PSMB1: variants seen among roughly 807,000 people sequenced by gnomAD.
PSMB1 encodes the protein proteasome 20S subunit beta 1, also known as proteasome subunit beta type-1.
A neutral mutation model predicts 25.4 loss-of-function variants in PSMB1; 7 were observed. The observed-to-expected ratio is 0.28, with a 90% confidence interval of 0.16 to 0.52. PSMB1 has a LOEUF of 0.52. PSMB1 is among the 20% of genes least tolerant of loss of function. The pLI is 0.97. For synonymous variants in PSMB1, 119 were observed against 115.0 expected, an observed-to-expected ratio of 1.03 and a Z score of -0.22; for missense variants, 284 against 302.2, an observed-to-expected ratio of 0.94 and a Z score of 0.45.
At position 170,543,620 on chromosome 6, in the gene PSMB1, G is replaced by A. The variant is rs202191704; in HGVS notation, c.414C>T (p.Ile138=). The change falls in exon 4 of 6, where the codon ATC becomes ATT. Residue 138 remains isoleucine (I), a synonymous_variant. Transcript: ENST00000262193. ...RFFPYYVYNI[I]GGLDEEGKGA... The stretch of plus-strand genomic sequence containing the variant: ...TTCTACCTTCTTCATCAAGTCCACC[G>A]ATGATGTTGTAAACATAGTATGGAA... 7.9e-5 allele frequency: 127 copies of A among 1,608,930 alleles called. No homozygotes were observed. Among genetic ancestry groups the A allele is most frequent in the Middle Eastern group, 3.3e-4 (2 of 6,036 alleles).
At chr6:170,541,670 A>T (rs1179924852) in intron 4 of PSMB1, among the ~76,000 whole-genome samples, 1 of 152,200 alleles carries the variant, frequency 6.6e-6, no homozygotes, top group Non-Finnish European at 1.5e-5. Context: ...ATAAAATAAA[A>T]ATTAGTTTAA....
chr6:170,551,726 T>C (rs918600282), intron 1 of PSMB1, among the ~76,000 whole-genome samples: 2 of 152,146 alleles, frequency 1.3e-5, no homozygotes, highest in African/African-American at 2.4e-5. Flanking sequence ...AGTGGTGAAA[T>C]AGCTATGAAT....
intron 4 of PSMB1, among the ~76,000 whole-genome samples, chr6:170,540,562 C>G (rs969632187): frequency 1.1e-5 from 1 of 93,944 alleles, no homozygotes; most frequent in African/African-American, 4.3e-5. Flanking sequence ...AATTTTGGTA[C>G]AAGACTCTTC....
chr6:170,549,195 G>A (rs960255884), intron 1 of PSMB1, 82 bp from the exon 2 acceptor site: 12 of 716,864 alleles, frequency 1.7e-5, no homozygotes, highest in Admixed American at 5.1e-5. Flanking sequence ...AGTACATAAT[G>A]GGATAAAATA....
At chr6:170,548,886 T>G in intron 2 of PSMB1, 120 bp downstream of exon 2, 1 of 711,974 alleles carries the variant, frequency 1.4e-6, no homozygotes, top group Non-Finnish European at 2.4e-6. Flanking sequence ...GGTTTTCTAA[T>G]AAAAATGCTC....
At chr6:170,535,993 T>C (rs571353223) in intron 5 of PSMB1, among the ~76,000 whole-genome samples, 241 of 152,308 alleles carry the variant, frequency 1.6e-3, no homozygotes, top group Non-Finnish European at 2.4e-3. Context: ...AGTAAACTTG[T>C]AGGCAGAAAG....
Position 170,535,418 on chromosome 6 carries a change from G to A in PSMB1, c.541-13C>T, listed in dbSNP as rs369257781. The A allele has an allele frequency of 2.2e-5, 36 of 1,605,850 alleles. No individual in the cohort carries two copies. In the African/African-American group the frequency reaches 3.7e-4, roughly 17 times the overall value. On this transcript the variant is annotated splice_polypyrimidine_tract_variant and intron_variant, in intron 5 of 5. Transcript: ENST00000262193. ...TCTTAAAACCAACCTGGTGGGACAT[G>A]AAACTTGGGTGAGATGTCATGTGAC...
intron 5 of PSMB1, among the ~76,000 whole-genome samples, chr6:170,535,645 G>A (rs927201636): frequency 2.0e-5 from 3 of 152,224 alleles, no homozygotes; most frequent in African/African-American, 7.2e-5. Context: ...ACCCGGAGAG[G>A]TGGACGTATG....
At chr6:170,538,199 C>T (rs1337356326) in intron 4 of PSMB1, among the ~76,000 whole-genome samples, 5 of 152,126 alleles carry the variant, frequency 3.3e-5, no homozygotes, top group Non-Finnish European at 7.4e-5. Flanking sequence ...ATTCTACAAT[C>T]GTTAAAAAGG....
At chr6:170,536,575 G>A (rs1329427885) in intron 5 of PSMB1, 2 of 440,032 alleles carry the variant, frequency 4.5e-6, no homozygotes, top group African/African-American at 4.1e-5. Flanking sequence ...AACAGATGAT[G>A]TAAACTTACA....
chr6:170,545,924 T>C (rs1161978338), intron 3 of PSMB1, among the ~76,000 whole-genome samples, 179 bp downstream of exon 3: 1 of 152,248 alleles, frequency 6.6e-6, no homozygotes, highest in East Asian at 1.9e-4. Flanking sequence ...TGTTTCACAT[T>C]ATGCTACTTT....
intron 1 of PSMB1, among the ~76,000 whole-genome samples, chr6:170,551,551 G>A (rs995427778): frequency 2.0e-5 from 3 of 152,176 alleles, no homozygotes; most frequent in African/African-American, 7.2e-5. Context: ...TGGATTACAA[G>A]GGATTAAAAA....
intron 4 of PSMB1, among the ~76,000 whole-genome samples, chr6:170,540,041 T>C (rs1224193747): frequency 1.3e-5 from 2 of 152,142 alleles, no homozygotes; most frequent in East Asian, 1.9e-4. Context: ...CATGTACTGA[T>C]TGTTTTCACT....
At chr6:170,546,406 T>C (rs1482809053) in intron 2 of PSMB1, among the ~76,000 whole-genome samples, 5 of 152,192 alleles carry the variant, frequency 3.3e-5, no homozygotes, top group Non-Finnish European at 1.5e-5. Context: ...ATGAATGGAC[T>C]AAATAAATCA....
intron 1 of PSMB1, among the ~76,000 whole-genome samples, chr6:170,552,395 T>C (rs536740204): frequency 7.2e-5 from 11 of 152,180 alleles, no homozygotes; most frequent in Non-Finnish European, 1.6e-4. Context: ...CGGAAAATTA[T>C]ACTACTCAAG....
chr6:170,549,171 G>T, intron 1 of PSMB1, 58 bp from the exon 2 acceptor site: 1 of 969,082 alleles, frequency 1.0e-6, no homozygotes, highest in Non-Finnish European at 1.6e-6. Context: ...CCTACAAATA[G>T]AAGAATGCTC....
chr6:170,546,068 T>C (rs1490445273), intron 3 of PSMB1, 35 bp downstream of exon 3: 1 of 1,533,702 alleles, frequency 6.5e-7, no homozygotes, highest in Admixed American at 1.7e-5. Flanking sequence ...TTACTATTAA[T>C]TTAAAATAGT....
intron 4 of PSMB1, among the ~76,000 whole-genome samples, chr6:170,537,566 G>A (rs1778710520): frequency 1.3e-5 from 2 of 152,116 alleles, no homozygotes; most frequent in African/African-American, 4.8e-5. Flanking sequence ...GTGCCACCCA[G>A]CAGACAGCCC....
chr6:170,549,015 C>T lies in PSMB1; in HGVS notation c.212G>A (p.Cys71Tyr). 1.2e-6 allele frequency: 2 copies of T among 1,603,464 alleles called. No homozygotes were observed. The highest frequency in any genetic ancestry group is 2.2e-5 in the East Asian group (1 of 44,814). Residue 71 changes from cysteine to tyrosine, a missense_variant, in exon 2 of 6, where the codon TGT becomes TAT. By Grantham distance (194) the Cys-to-Tyr change is radical. Coordinates refer to ENST00000262193, the MANE Select transcript of PSMB1 (RefSeq NM_002793.4). ...AGAAATATTTACTTACAATTTGTAA[C>T]ATTTGGGGCTATCCCGCGTATGAAT... is the stretch of plus-strand genomic sequence containing the variant. ...FSIHTRDSPK[C>Y]YKLTDKTVIG...
Sources: gnomAD v4.1 joint callset for allele counts (sites outside exome capture counted in the v4.1 genomes callset) on GRCh38, gnomAD v4.1.1 for gene constraint, MANE v1.5 for transcripts, NCBI Gene and HGNC (gene_info 2026-07-23, HGNC 2026-07-21) for gene names.